Variants in TMEM178B observed in about 807,000 individuals in gnomAD.
The protein encoded by TMEM178B is transmembrane protein 178B.
In TMEM178B, 5 loss-of-function variants were observed where a neutral mutation model predicts 31.0. The observed-to-expected ratio is 0.16, with a 90% confidence interval of 0.08 to 0.34. TMEM178B has a LOEUF of 0.34. Among genes scored for constraint, TMEM178B ranks in the 10% least tolerant of loss-of-function variants. The probability of loss-of-function intolerance (pLI) is 1.00; values close to 1 mark genes in which losing one functional copy is unlikely to be tolerated. For synonymous variants in TMEM178B, 164 were observed against 164.0 expected (o/e 1.00, Z 0.00); for missense variants, 275 against 400.3 (o/e 0.69, Z 2.67).
intron 1 of TMEM178B, among the ~76,000 whole-genome samples, chr7:141,140,159 T>C (rs951227597): frequency 3.9e-5 from 6 of 152,188 alleles, no homozygotes; most frequent in Non-Finnish European, 7.3e-5. Flanking sequence ...CTGCTCCACC[T>C]CTTGTTTATG....
intron 1 of TMEM178B, among the ~76,000 whole-genome samples, chr7:141,125,680 GAAAAAAA>G (rs774508037): frequency 1.3e-5 from 1 of 78,748 alleles, no homozygotes; most frequent in Non-Finnish European, 2.6e-5. Flanking sequence ...ACTCCATCTC[GAAAAAAA>G]AAAAAAAAAA....
intron 1 of TMEM178B, among the ~76,000 whole-genome samples, chr7:141,195,307 C>T (rs1214206391): frequency 6.6e-6 from 1 of 152,316 alleles, no homozygotes; most frequent in South Asian, 2.1e-4. Context: ...TAGCAGTACC[C>T]AAGTCACCTC....
At chr7:141,266,939 G>C (rs1171876101) in intron 2 of TMEM178B, among the ~76,000 whole-genome samples, 2 of 152,182 alleles carry the variant, frequency 1.3e-5, no homozygotes, top group African/African-American at 2.4e-5. Flanking sequence ...CCTGAGAGCT[G>C]TCCACAAGCC....
At chr7:141,197,053 G>A (rs1266901126) in intron 1 of TMEM178B, among the ~76,000 whole-genome samples, 1 of 152,192 alleles carries the variant, frequency 6.6e-6, no homozygotes, top group African/African-American at 2.4e-5. Context: ...ACAGATTTGT[G>A]CTTGCTGCAT....
intron 2 of TMEM178B, among the ~76,000 whole-genome samples, chr7:141,388,649 A>G (rs1800475917): frequency 6.6e-6 from 1 of 152,012 alleles, no homozygotes. Flanking sequence ...AGTAATAACT[A>G]CTCCGGGTTG....
At chr7:141,301,011 T>C (rs1195659069) in intron 2 of TMEM178B, among the ~76,000 whole-genome samples, 1 of 152,230 alleles carries the variant, frequency 6.6e-6, no homozygotes, top group East Asian at 1.9e-4. Flanking sequence ...CAGTCCACTT[T>C]CCTGGGTGGT....
At chr7:141,139,436 C>T (rs1795731414) in intron 1 of TMEM178B, among the ~76,000 whole-genome samples, 2 of 152,190 alleles carry the variant, frequency 1.3e-5, no homozygotes, top group African/African-American at 4.8e-5. Context: ...ACAGCAGCCT[C>T]ACCCTTCTGG....
intron 2 of TMEM178B, among the ~76,000 whole-genome samples, chr7:141,245,150 A>G: frequency 8.4e-6 from 1 of 119,206 alleles, no homozygotes; most frequent in Non-Finnish European, 1.7e-5. Context: ...AGCCTGGGTG[A>G]CAGAGCAAGA....
chr7:141,395,749 G>C (rs1257255025), intron 2 of TMEM178B, among the ~76,000 whole-genome samples: 1 of 152,092 alleles, frequency 6.6e-6, no homozygotes, highest in African/African-American at 2.4e-5. Context: ...ATACACATAT[G>C]GATTTCTATA....
intron 1 of TMEM178B, among the ~76,000 whole-genome samples, chr7:141,155,268 C>T (rs1004121778): frequency 6.6e-6 from 1 of 152,206 alleles, no homozygotes; most frequent in Non-Finnish European, 1.5e-5. Context: ...GTCGGGTACT[C>T]ATCATACAGG....
intron 3 of TMEM178B, among the ~76,000 whole-genome samples, chr7:141,463,384 C>T (rs1331986748): frequency 2.0e-5 from 3 of 152,322 alleles, no homozygotes; most frequent in Non-Finnish European, 4.4e-5. Flanking sequence ...GACAGTTCCT[C>T]CAATGACATA....
intron 1 of TMEM178B, among the ~76,000 whole-genome samples, chr7:141,089,630 A>T (rs912394959): frequency 1.3e-5 from 2 of 152,214 alleles, no homozygotes; most frequent in Non-Finnish European, 2.9e-5. Context: ...TCAATGATAG[A>T]CTGGATTAAG....
chr7:141,080,981 A>G (rs1220847042), intron 1 of TMEM178B, among the ~76,000 whole-genome samples: 1 of 152,240 alleles, frequency 6.6e-6, no homozygotes, highest in African/African-American at 2.4e-5. Context: ...ATACTTGATA[A>G]TAAAATGACT....
intron 1 of TMEM178B, among the ~76,000 whole-genome samples, chr7:141,159,414 G>C (rs779695154): frequency 2.0e-5 from 3 of 152,100 alleles, no homozygotes; most frequent in Non-Finnish European, 4.4e-5. Context: ...ATTAAATATA[G>C]AACTACTGTA....
At chr7:141,325,657 T>C (rs6972335) in intron 2 of TMEM178B, among the ~76,000 whole-genome samples, 1,928 of 152,294 alleles carry the variant, frequency 0.013, 42 homozygotes, top group African/African-American at 0.044. Context: ...CCACAGGGGA[T>C]CTTTTTCTTT....
At position 141,318,880 on chromosome 7, in the gene TMEM178B, A is replaced by G. The variant is rs1799050079; in HGVS notation, c.496+106176A>G. Among the ~76,000 whole-genome samples, 1 of 152,214 alleles carries G rather than the reference A, an allele frequency of 6.6e-6. No individual in the cohort carries two copies. Among genetic ancestry groups the G allele is most frequent in the Non-Finnish European group, 1.5e-5 (1 of 68,032 alleles). ...CAGTTAAAGAGATCTTTTTTTAACC[A>G]TATGTGCCAGAAATGCTTACCTTGG... On this transcript the variant is annotated intron_variant, in intron 2 of 3. Transcript: ENST00000565468. The surrounding 1 kb of genome is among the most constrained non-coding windows in gnomAD (Gnocchi z 4.1).
intron 2 of TMEM178B, among the ~76,000 whole-genome samples, chr7:141,426,203 G>T (rs982053083): frequency 6.6e-6 from 1 of 152,178 alleles, no homozygotes; most frequent in African/African-American, 2.4e-5. Context: ...CTATGCCACG[G>T]TGCATACAGT....
At position 141,074,720 on chromosome 7, in the gene TMEM178B, T is replaced by C; in HGVS notation, c.382+28T>C. The C allele has an allele frequency of 6.9e-7, 1 of 1,450,708 alleles. No homozygotes were observed. The highest frequency in any genetic ancestry group is 9.0e-7 in the Non-Finnish European group (1 of 1,107,064). 89.9% of individuals were successfully genotyped at this position (1,450,708 alleles called of 1,614,324 possible). ...AAGCGCCGGGCGCAAGGCGTGGCGC[T>C]GCGGAGAGCCCGGCGCCTTTAGGCC... On this transcript the variant is annotated intron_variant, in intron 1 of 3. Coordinates refer to ENST00000565468, the MANE Select transcript of TMEM178B (RefSeq NM_001195278.2). The surrounding 1 kb of genome is among the most constrained non-coding windows in gnomAD (Gnocchi z 5.1).
intron 2 of TMEM178B, among the ~76,000 whole-genome samples, chr7:141,332,473 C>T (rs1401037420): frequency 6.6e-6 from 1 of 152,202 alleles, no homozygotes; most frequent in Admixed American, 6.5e-5. Context: ...CAACCCATGA[C>T]CCCATTCTTC....
Sources: allele counts gnomAD v4.1 joint callset (sites outside exome capture counted in the v4.1 genomes callset), GRCh38; gene constraint gnomAD v4.1.1; non-coding constraint Gnocchi (gnomAD v3.1); transcripts MANE v1.5; gene names NCBI Gene and HGNC (gene_info 2026-07-23, HGNC 2026-07-21).